EFR3A: variants seen among roughly 807,000 people sequenced by gnomAD.
EFR3A encodes EFR3 homolog A, also known as protein EFR3 homolog A.
Under a neutral mutation model 104.4 loss-of-function variants are expected in EFR3A, and 76 were observed. That is an observed-to-expected ratio of 0.73 (90% CI 0.60 to 0.88). EFR3A has a LOEUF of 0.88. Ranked by LOEUF, EFR3A falls within the 40% of genes least tolerant of loss-of-function variation. EFR3A has a pLI of 0.00. For synonymous variants in EFR3A, 330 were observed against 330.0 expected, an observed-to-expected ratio of 1.00 and a Z score of 0.00; for missense variants, 985 against 1,012.5, an observed-to-expected ratio of 0.97 and a Z score of 0.37.
chr8:131,944,947 A>G (rs981157831), intron 3 of EFR3A, 75 bp downstream of exon 3: 122 of 1,511,502 alleles, frequency 8.1e-5, no homozygotes, highest in Non-Finnish European at 1.1e-4. Context: ...TCTATAGATT[A>G]TTTTGCCATT....
chr8:131,920,145 T>C (rs1431454069), intron 1 of EFR3A, among the ~76,000 whole-genome samples: 4 of 152,108 alleles, frequency 2.6e-5, no homozygotes, highest in African/African-American at 9.7e-5. Flanking sequence ...TCCTTGTCAG[T>C]TTTGGGACAC....
At chr8:132,002,795 T>C (rs772456461) in intron 21 of EFR3A, 89 bp downstream of exon 21, 61 of 1,062,632 alleles carry the variant, frequency 5.7e-5, no homozygotes, top group Non-Finnish European at 8.6e-5. Flanking sequence ...TTCCAAGCTT[T>C]AGTCAAATCA....
At chr8:131,995,344 C>G (rs1821419920) in intron 18 of EFR3A, among the ~76,000 whole-genome samples, 1 of 152,112 alleles carries the variant, frequency 6.6e-6, no homozygotes, top group African/African-American at 2.4e-5. Context: ...TTCCTACCAT[C>G]CTGTACTTTC....
intron 1 of EFR3A, among the ~76,000 whole-genome samples, chr8:131,920,285 C>T (rs939221955): frequency 4.6e-5 from 7 of 152,072 alleles, no homozygotes; most frequent in South Asian, 2.1e-4. Flanking sequence ...AAAGTAAAAA[C>T]GTTCTCTCCC....
chr8:131,917,889 T>C (rs1816820973), intron 1 of EFR3A, among the ~76,000 whole-genome samples: 1 of 152,202 alleles, frequency 6.6e-6, no homozygotes, highest in Non-Finnish European at 1.5e-5. Context: ...TTATGAGCCA[T>C]TTAAGAATAT....
At chr8:131,923,201 G>A (rs1424056792) in intron 1 of EFR3A, among the ~76,000 whole-genome samples, 2 of 152,090 alleles carry the variant, frequency 1.3e-5, no homozygotes, top group South Asian at 2.1e-4. Flanking sequence ...TGGGGAGATC[G>A]TTATTTCGGC....
chr8:131,985,209 A>G, intron 16 of EFR3A, 149 bp downstream of exon 16: 1 of 763,310 alleles, frequency 1.3e-6, no homozygotes, highest in East Asian at 2.5e-5. Flanking sequence ...AACTACAGCT[A>G]AAACTGTAGC....
At chr8:131,962,790 T>C (rs936352605) in intron 8 of EFR3A, among the ~76,000 whole-genome samples, 4 of 152,142 alleles carry the variant, frequency 2.6e-5, no homozygotes, top group African/African-American at 9.7e-5. Flanking sequence ...CACACCACAC[T>C]TATTCCAAAA....
In EFR3A at chr8:131,953,865, C is replaced by G; in HGVS notation, c.536C>G (p.Thr179Arg). The change falls in exon 6 of 23, where the codon ACA becomes AGA. Residue 179 changes from threonine to arginine, a missense_variant. Physicochemically the swap from Thr to Arg is moderately conservative, Grantham distance 71 (BLOSUM62 -1). Coordinates refer to ENST00000254624, the MANE Select transcript of EFR3A (RefSeq NM_015137.6). Reference protein sequence around the residue: ...IRGIQGVVRKTVNDELRATIW... With the variant: ...IRGIQGVVRKRVNDELRATIW... ...GGTATTCAAGGTGTGGTTCGCAAAA[C>G]AGTCAACGATGAACTTCGGGCCACC... 1.9e-6 allele frequency: 3 copies of G among 1,567,542 alleles called. No individual in the cohort carries two copies. The highest frequency in any genetic ancestry group is 2.6e-6 in the Non-Finnish European group (3 of 1,155,144).
At chr8:131,978,047 C>G (rs758777642) in intron 12 of EFR3A, among the ~76,000 whole-genome samples, 10 of 152,136 alleles carry the variant, frequency 6.6e-5, no homozygotes, top group Admixed American at 2.0e-4. Flanking sequence ...CACCAGTTTC[C>G]CAGCTGACTT....
At chr8:131,919,310 T>G (rs1816885372) in intron 1 of EFR3A, among the ~76,000 whole-genome samples, 1 of 152,150 alleles carries the variant, frequency 6.6e-6, no homozygotes. Flanking sequence ...AAAATTTACC[T>G]GTTTTGGCCG....
At chr8:131,993,825 A>G (rs1296085217) in intron 18 of EFR3A, among the ~76,000 whole-genome samples, 1 of 152,182 alleles carries the variant, frequency 6.6e-6, no homozygotes, top group African/African-American at 2.4e-5. Flanking sequence ...GCAAACCAAC[A>G]CAGTAACAGA....
chr8:131,966,677 A>G (rs560809433), intron 8 of EFR3A, among the ~76,000 whole-genome samples: 3 of 152,296 alleles, frequency 2.0e-5, no homozygotes, highest in South Asian at 4.1e-4. Flanking sequence ...CTATTTAGCT[A>G]TTAAATGATA....
At chr8:131,922,923 G>T (rs1817120083) in intron 1 of EFR3A, among the ~76,000 whole-genome samples, 1 of 152,008 alleles carries the variant, frequency 6.6e-6, no homozygotes. Context: ...TTATCTCCAG[G>T]AACTTTTTTG....
intron 16 of EFR3A, among the ~76,000 whole-genome samples, chr8:131,985,499 A>C (rs1368026144): frequency 6.6e-6 from 1 of 152,214 alleles, no homozygotes; most frequent in Non-Finnish European, 1.5e-5. Flanking sequence ...TGTCTTTAGC[A>C]GTAACTCTTA....
chr8:131,910,194 T>TC (rs1563806009), intron 1 of EFR3A, among the ~76,000 whole-genome samples: 1 of 152,184 alleles, frequency 6.6e-6, no homozygotes, highest in Non-Finnish European at 1.5e-5. Context: ...AGCCTAGCTT[T>TC]TTGGGGAACT....
At chr8:131,973,076 A>G (rs1045849870) in intron 10 of EFR3A, among the ~76,000 whole-genome samples, 1 of 148,606 alleles carries the variant, frequency 6.7e-6, no homozygotes, top group African/African-American at 2.5e-5. Flanking sequence ...TCACATGTCT[A>G]GAAATTGTCC....
chr8:131,986,150 G>T, intron 16 of EFR3A, 44 bp from the exon 17 acceptor site: 2 of 1,050,262 alleles, frequency 1.9e-6, no homozygotes, highest in East Asian at 2.4e-5. Context: ...AGGTACTGAG[G>T]GGTAGGGTTT....
chr8:131,986,512 A>G (rs1820890865), intron 17 of EFR3A, among the ~76,000 whole-genome samples: 1 of 152,142 alleles, frequency 6.6e-6, no homozygotes, highest in South Asian at 2.1e-4. Flanking sequence ...GGCCAGGCGC[A>G]GTGGTTCACG....
Sources: gnomAD v4.1 joint callset for allele counts (sites outside exome capture counted in the v4.1 genomes callset) on GRCh38, gnomAD v4.1.1 for gene constraint, MANE v1.5 for transcripts, NCBI Gene and HGNC (gene_info 2026-07-23, HGNC 2026-07-21) for gene names.